The following GALNT16 variants were observed in gnomAD, a reference collection of about 807,000 sequenced individuals.
GALNT16 encodes the protein UDP-GalNAc:polypeptide N-acetylgalactosaminyltransferase-like protein 1.
Under a neutral mutation model 76.1 loss-of-function variants are expected in GALNT16, and 40 were observed. That is an observed-to-expected ratio of 0.53 (90% CI 0.41 to 0.68). The LOEUF (loss-of-function observed/expected upper bound fraction) is 0.68, where lower values mean the gene tolerates loss of function less well. Among genes scored for constraint, GALNT16 ranks in the 30% least tolerant of loss-of-function variants. The pLI, the probability that GALNT16 is intolerant of heterozygous loss-of-function variation, is 0.00. For synonymous variants in GALNT16, 276 were observed against 285.2 expected (o/e 0.97, Z 0.32); for missense variants, 621 against 731.9 (o/e 0.85, Z 1.75).
In GALNT16 at chr14:69,321,109, C is replaced by T. The variant is rs1411702509; in HGVS notation, c.335+241C>T. Among the ~76,000 whole-genome samples, 5 of 152,314 alleles carry T rather than the reference C, an allele frequency of 3.3e-5. No individual in the cohort carries two copies. The South Asian group carries it at 6.2e-4, about 19-fold the overall frequency. On this transcript the variant is annotated intron_variant, in intron 2 of 14. Coordinates refer to ENST00000448469, the MANE Select transcript of GALNT16 (RefSeq NM_001168368.2). ...GAGGCCCCAAGGCACTTCAGTCTGG[C>T]GCCCCAGCAAAAGTGACCTGGGAGG... is the stretch of plus-strand genomic sequence containing the variant.
chr14:69,331,566 C>CA lies in GALNT16; in HGVS notation c.778+15_778+16insA. On this transcript the variant is annotated intron_variant, in intron 7 of 14. Coordinates refer to ENST00000448469, the MANE Select transcript of GALNT16 (RefSeq NM_001168368.2). ...CCTTCGTGGAGGTGAGTTCTGCTCC[C>CA]GGGGGTGGGGCTGTAGACATGAAAG... 1 of 1,495,016 alleles carries CA rather than the reference C, an allele frequency of 6.7e-7. No homozygotes were observed. The highest frequency in any genetic ancestry group is 9.3e-7 in the Non-Finnish European group (1 of 1,071,548). 92.6% of individuals were successfully genotyped at this position (1,495,016 alleles called of 1,614,324 possible). A position where few individuals can be genotyped will look rare whatever the true frequency, so the allele number is the denominator to read the frequency against.
intron 14 of GALNT16, 198 bp from the exon 15 acceptor site, chr14:69,351,833 A>T (rs1300556681): frequency 3.8e-6 from 2 of 524,370 alleles, no homozygotes; most frequent in Non-Finnish European, 6.7e-6. Context: ...GATTGCTTGA[A>T]CTCAGGAGTT....
chr14:69,261,387 C>T lies in GALNT16; in HGVS notation c.177+920C>T, dbSNP rs994661771. 6.6e-6 allele frequency among the ~76,000 whole-genome samples: 1 copy of T among 152,134 alleles called. No homozygotes were observed. The highest frequency in any genetic ancestry group is 2.4e-5 in the African/African-American group (1 of 41,448). ...CCTGTTGAGGCGGGAGGCTTTGGCA[C>T]CCGCCGAGAGTGCGCTCGAGCGGGC... On this transcript the variant is annotated intron_variant, in intron 1 of 14. Coordinates refer to ENST00000448469, the MANE Select transcript of GALNT16 (RefSeq NM_001168368.2). This position sits in a 1 kb window ranked among gnomAD's most constrained non-coding sequence, Gnocchi z 6.4.
At chr14:69,339,386 G>A (rs568940078) in intron 10 of GALNT16, 141 bp from the exon 11 acceptor site, 13 of 683,068 alleles carry the variant, frequency 1.9e-5, no homozygotes, top group Admixed American at 1.1e-4. Flanking sequence ...CAAAAGGACC[G>A]TGCTAATCTA....
the GALNT16 span, among the ~76,000 whole-genome samples, chr14:69,371,966 AAAT>A: frequency 4.3e-4 from 66 of 152,050 alleles, no homozygotes; most frequent in Non-Finnish European, 9.1e-4. Context: ...AATAAATAAT[AAAT>A]AATAATAAGT....
chr14:69,324,364 G>C (rs543088335), intron 2 of GALNT16, among the ~76,000 whole-genome samples: 17 of 152,206 alleles, frequency 1.1e-4, no homozygotes, highest in African/African-American at 3.9e-4. Context: ...TGTGGTCAGG[G>C]CTGTATCCTG....
At chr14:69,294,796 C>G (rs1213248811) in intron 1 of GALNT16, among the ~76,000 whole-genome samples, 1 of 152,154 alleles carries the variant, frequency 6.6e-6, no homozygotes, top group Non-Finnish European at 1.5e-5. Context: ...GTTGCCCAGA[C>G]TGGATTTGAA....
At chr14:69,332,327 T>C (rs1466715034) in intron 7 of GALNT16, among the ~76,000 whole-genome samples, 1 of 152,160 alleles carries the variant, frequency 6.6e-6, no homozygotes, top group Non-Finnish European at 1.5e-5. Context: ...CAGTAGATAA[T>C]AGTCACCTTT....
At chr14:69,325,482 C>T (rs1018330114) in intron 4 of GALNT16, 78 bp downstream of exon 4, 9 of 884,850 alleles carry the variant, frequency 1.0e-5, no homozygotes, top group Non-Finnish European at 1.7e-5. Flanking sequence ...GGCAAGCACC[C>T]TGAGGTTGTC....
chr14:69,318,368 G>A (rs1468680425), intron 1 of GALNT16, among the ~76,000 whole-genome samples: 5 of 152,236 alleles, frequency 3.3e-5, no homozygotes, highest in African/African-American at 1.2e-4. Flanking sequence ...ATGGCCCTGA[G>A]GAAGCCTTGA....
At chr14:69,379,603 A>G in the GALNT16 span, among the ~76,000 whole-genome samples, 1 of 152,232 alleles carries the variant, frequency 6.6e-6, no homozygotes, top group Non-Finnish European at 1.5e-5. Flanking sequence ...TGCTGATTGA[A>G]AATACATGAT....
chr14:69,278,466 A>C (rs1026748801), intron 1 of GALNT16, among the ~76,000 whole-genome samples: 18 of 152,216 alleles, frequency 1.2e-4, no homozygotes, highest in African/African-American at 4.3e-4. Flanking sequence ...TTTTTAAAAA[A>C]AGGAAATTAT....
chr14:69,317,355 GGT>G (rs1355227583), intron 1 of GALNT16, among the ~76,000 whole-genome samples: 3 of 152,348 alleles, frequency 2.0e-5, no homozygotes, highest in Admixed American at 2.0e-4. Context: ...TGGGAGTCAG[GGT>G]GGGGTGAGGT....
intron 1 of GALNT16, among the ~76,000 whole-genome samples, chr14:69,272,215 T>G (rs1451233202): frequency 6.6e-6 from 1 of 151,944 alleles, no homozygotes; most frequent in East Asian, 1.9e-4. Context: ...ACAAAAAAAT[T>G]AACCGGGCCT....
At chr14:69,334,669 T>C (rs1421977743) in intron 9 of GALNT16, among the ~76,000 whole-genome samples, 1 of 152,098 alleles carries the variant, frequency 6.6e-6, no homozygotes, top group African/African-American at 2.4e-5. Context: ...AGCTGTGGTC[T>C]TGGGGCACAT....
At position 69,314,881 on chromosome 14, in the gene GALNT16, A is replaced by G. The variant is rs77000904; in HGVS notation, c.178-5830A>G. On this transcript the variant is annotated intron_variant, in intron 1 of 14. Transcript: ENST00000448469. Reference sequence around the variant, plus strand: ...ATAGGGCCAGAGCCTTTTTACTTGCAGTTTCATTGAAATTTAGTGAAAGGT... The same window carrying G: ...ATAGGGCCAGAGCCTTTTTACTTGCGGTTTCATTGAAATTTAGTGAAAGGT... 2.7e-3 allele frequency among the ~76,000 whole-genome samples: 418 copies of G among 152,328 alleles called. 1 individual carries two copies. Among genetic ancestry groups the G allele is most frequent in the South Asian group, 0.012 (60 of 4,828 alleles).
chr14:69,283,047 C>T (rs953307951), intron 1 of GALNT16, among the ~76,000 whole-genome samples: 8 of 152,186 alleles, frequency 5.3e-5, no homozygotes, highest in African/African-American at 1.7e-4. Flanking sequence ...GCAAGGCCAT[C>T]TGTGGTGTTC....
At chr14:69,264,819 C>CTTT (rs60818532) in intron 1 of GALNT16, among the ~76,000 whole-genome samples, 2 of 96,574 alleles carry the variant, frequency 2.1e-5, no homozygotes, top group East Asian at 4.3e-4. Context: ...CTTTTTCTTT[C>CTTT]TTTTTTTTTT....
At chr14:69,321,061 G>T (rs762506575) in intron 2 of GALNT16, among the ~76,000 whole-genome samples, 193 bp downstream of exon 2, 3 of 152,244 alleles carry the variant, frequency 2.0e-5, no homozygotes, top group Non-Finnish European at 4.4e-5. Context: ...CAAGACCAAG[G>T]AAACCGCTCC....
Sources: gnomAD v4.1 joint callset for allele counts (sites outside exome capture counted in the v4.1 genomes callset) on GRCh38, gnomAD v4.1.1 for gene constraint, Gnocchi (gnomAD v3.1) non-coding constraint, MANE v1.5 for transcripts, NCBI Gene and HGNC (gene_info 2026-07-23, HGNC 2026-07-21) for gene names.